The following PLCL2 variants were observed in gnomAD, a reference collection of about 807,000 sequenced individuals.
The protein encoded by PLCL2 is inactive phospholipase C-like protein 2.
In PLCL2, 4 loss-of-function variants were observed where a neutral mutation model predicts 79.6. The observed-to-expected ratio is 0.05, with a 90% CI of 0.02 to 0.11. The LOEUF is 0.11. PLCL2 is among the 10% of genes least tolerant of loss of function. The pLI is 1.00. For synonymous variants in PLCL2, 484 were observed against 457.7 expected, an observed-to-expected ratio of 1.06 and a Z score of -0.73; for missense variants, 895 against 1,291.0, an observed-to-expected ratio of 0.69 and a Z score of 4.70.
intron 1 of PLCL2, among the ~76,000 whole-genome samples, chr3:16,999,894 C>T (rs1043224985): frequency 6.6e-6 from 1 of 152,174 alleles, no homozygotes; most frequent in African/African-American, 2.4e-5. Flanking sequence ...ATTTCCTTCA[C>T]AACTCTGTAA....
chr3:16,953,897 G>T (rs1466576524), intron 1 of PLCL2, among the ~76,000 whole-genome samples: 1 of 152,002 alleles, frequency 6.6e-6, no homozygotes, highest in African/African-American at 2.4e-5. Flanking sequence ...AAAAGATCCA[G>T]TGTAAATATT....
intron 1 of PLCL2, among the ~76,000 whole-genome samples, chr3:16,892,351 C>T (rs921797621): frequency 2.6e-5 from 4 of 152,034 alleles, no homozygotes; most frequent in African/African-American, 9.7e-5. Flanking sequence ...TAAGAATAGG[C>T]CTTTGAAATT....
At chr3:17,048,049 C>A (rs2064799389) in intron 4 of PLCL2, among the ~76,000 whole-genome samples, 1 of 151,564 alleles carries the variant, frequency 6.6e-6, no homozygotes, top group African/African-American at 2.4e-5. Context: ...AATGTCAGGC[C>A]AGACCTACAT....
chr3:16,895,071 T>TCG (rs1365239775), intron 1 of PLCL2, among the ~76,000 whole-genome samples: 1 of 148,428 alleles, frequency 6.7e-6, no homozygotes, highest in East Asian at 2.0e-4. Flanking sequence ...CGTATCTATA[T>TCG]AGATATAGAT....
intron 1 of PLCL2, among the ~76,000 whole-genome samples, chr3:16,990,499 G>C (rs974629723): frequency 6.6e-6 from 1 of 152,190 alleles, no homozygotes; most frequent in Non-Finnish European, 1.5e-5. Context: ...GCTCTTAAAA[G>C]GCAGCTTTGT....
intron 1 of PLCL2, among the ~76,000 whole-genome samples, chr3:16,959,554 C>T (rs956830219): frequency 6.6e-6 from 1 of 152,048 alleles, no homozygotes; most frequent in African/African-American, 2.4e-5. Flanking sequence ...TCTCTGACTG[C>T]GTGCATCACC....
chr3:16,921,924 T>C (rs955354553), intron 1 of PLCL2, among the ~76,000 whole-genome samples: 2 of 152,054 alleles, frequency 1.3e-5, no homozygotes, highest in African/African-American at 4.8e-5. Context: ...AAAAAGAAAA[T>C]TAAAGATTCT....
At chr3:16,961,289 T>C (rs1463394743) in intron 1 of PLCL2, among the ~76,000 whole-genome samples, 1 of 152,226 alleles carries the variant, frequency 6.6e-6, no homozygotes, top group Non-Finnish European at 1.5e-5. Context: ...CCATATATTC[T>C]ATTCACTCAT....
chr3:16,937,961 T>C, intron 1 of PLCL2, among the ~76,000 whole-genome samples: 1 of 152,204 alleles, frequency 6.6e-6, no homozygotes, highest in East Asian at 1.9e-4. Flanking sequence ...TATGAAAAGT[T>C]GGTTTGAAAG....
At chr3:16,945,188 C>T (rs1345889902) in intron 1 of PLCL2, among the ~76,000 whole-genome samples, 2 of 152,104 alleles carry the variant, frequency 1.3e-5, no homozygotes, top group Admixed American at 6.5e-5. Flanking sequence ...AAATCATCTT[C>T]TCAGCAAGGC....
At position 17,089,894 on chromosome 3, in the gene PLCL2, C is replaced by T. The variant is rs141251542; in HGVS notation, c.3366C>T (p.Asn1122=). The change falls in exon 6 of 6, where the codon AAC becomes AAT. Residue 1122 remains asparagine, a synonymous_variant. Coordinates refer to ENST00000615277, the MANE Select transcript of PLCL2 (RefSeq NM_001144382.2). ...TGGAAGTCATACCCGAAAAAGCAAA[C>T]GATGAAACTGGAGAATGAGGAAACT... The part of the protein sequence containing the change: ...RSLEVIPEKA[N]DETGE 4.0e-5 allele frequency: 64 copies of T among 1,612,448 alleles called. No homozygotes were observed. The highest frequency in any genetic ancestry group is 1.5e-4 in the African/African-American group (11 of 74,848).
chr3:16,888,535 T>C (rs1696275603), intron 1 of PLCL2, among the ~76,000 whole-genome samples: 1 of 152,268 alleles, frequency 6.6e-6, no homozygotes, highest in African/African-American at 2.4e-5. Context: ...TACTGGATTT[T>C]AGAGAAGAAG....
At chr3:16,957,227 T>C (rs2063714386) in intron 1 of PLCL2, among the ~76,000 whole-genome samples, 1 of 152,216 alleles carries the variant, frequency 6.6e-6, no homozygotes, top group South Asian at 2.1e-4. Context: ...TGGTATGTTG[T>C]GTGTTTGTTC....
At chr3:17,037,091 A>T (rs1247650673) in intron 3 of PLCL2, among the ~76,000 whole-genome samples, 1 of 152,192 alleles carries the variant, frequency 6.6e-6, no homozygotes, top group Admixed American at 6.5e-5. Flanking sequence ...ATGGGAAAAA[A>T]TTACTTTGGA....
intron 1 of PLCL2, among the ~76,000 whole-genome samples, chr3:16,935,027 G>A (rs755374606): frequency 3.3e-5 from 5 of 152,144 alleles, no homozygotes; most frequent in Admixed American, 6.5e-5. Context: ...AGGCTAATAC[G>A]CCAATTGTCC....
chr3:16,931,775 G>A (rs1037578382), intron 1 of PLCL2, among the ~76,000 whole-genome samples: 3 of 152,132 alleles, frequency 2.0e-5, no homozygotes, highest in Non-Finnish European at 4.4e-5. Flanking sequence ...TTGATGAGAT[G>A]TTGGATATGA....
chr3:17,025,319 A>G (rs886110741), intron 3 of PLCL2, among the ~76,000 whole-genome samples: 2 of 152,146 alleles, frequency 1.3e-5, no homozygotes, highest in African/African-American at 2.4e-5. Context: ...AGAGGTATAT[A>G]CTTTTTTATG....
Position 17,090,164 on chromosome 3 carries a change from C to G in PLCL2, c.*252C>G. On this transcript the variant is annotated 3_prime_UTR_variant, in exon 6 of 6. Coordinates refer to ENST00000615277, the MANE Select transcript of PLCL2 (RefSeq NM_001144382.2). ...ATTTGTATACAAAGACATTCTAACT[C>G]AGTTCCAGTATGAAGAAAGATTATT... 1 of 1,165,866 alleles carries G rather than the reference C, an allele frequency of 8.6e-7. No individual in the cohort carries two copies. The highest frequency in any genetic ancestry group is 1.6e-5 in the African/African-American group (1 of 63,274). The allele number at this position is 1,165,866 out of a possible 1,614,324, so 72.2% of individuals were successfully genotyped here.
chr3:17,020,423 C>T (rs1224139458), intron 3 of PLCL2, among the ~76,000 whole-genome samples: 2 of 152,186 alleles, frequency 1.3e-5, no homozygotes, highest in Non-Finnish European at 2.9e-5. Flanking sequence ...CTCTCTCTTA[C>T]AGGCAGTACG....
Sources: gnomAD v4.1 joint callset for allele counts (sites outside exome capture counted in the v4.1 genomes callset) on GRCh38, gnomAD v4.1.1 for gene constraint, MANE v1.5 for transcripts, NCBI Gene and HGNC (gene_info 2026-07-23, HGNC 2026-07-21) for gene names.